PARP8: variants seen among roughly 807,000 people sequenced by gnomAD.
PARP8 encodes poly(ADP-ribose) polymerase family member 8.
In PARP8, 51 loss-of-function variants were observed where a neutral mutation model predicts 124.1. The observed-to-expected ratio is 0.41, with a 90% CI of 0.33 to 0.52. The LOEUF is 0.52. Among genes scored for constraint, PARP8 ranks in the 20% least tolerant of loss-of-function variants. The pLI is 0.21. For missense variants in PARP8, 860 were observed against 1,018.9 expected (o/e 0.84, Z 2.12); for synonymous variants, 391 against 361.5 (o/e 1.08, Z -0.93).
intron 6 of PARP8, 58 bp from the exon 7 acceptor site, chr5:50,763,090 C>A: frequency 7.2e-7 from 1 of 1,379,854 alleles, no homozygotes; most frequent in Non-Finnish European, 1.0e-6. Flanking sequence ...CAAAAGGTTG[C>A]TTAAGTTTTT....
intron 7 of PARP8, among the ~76,000 whole-genome samples, chr5:50,774,740 G>A (rs1277331643): frequency 5.8e-5 from 6 of 103,144 alleles, no homozygotes; most frequent in Non-Finnish European, 5.6e-5. Context: ...CCTCATTTCC[G>A]GGGCAGAGGC....
intron 2 of PARP8, chr5:50,669,344 A>G (rs1749735042): frequency 1.3e-5 from 2 of 152,226 alleles, no homozygotes; most frequent in African/African-American, 4.8e-5. Context: ...CTGGTCCTAC[A>G]CATTATATCT....
chr5:50,770,262 T>C (rs556851698), intron 7 of PARP8, among the ~76,000 whole-genome samples: 2 of 152,306 alleles, frequency 1.3e-5, no homozygotes, highest in East Asian at 3.9e-4. Flanking sequence ...TATTTGTTAT[T>C]ATTTTCTTAG....
chr5:50,741,027 G>T (rs911686315), intron 2 of PARP8, among the ~76,000 whole-genome samples: 12 of 152,034 alleles, frequency 7.9e-5, no homozygotes, highest in African/African-American at 2.9e-4. Flanking sequence ...TTCCGTCTTG[G>T]TATGCTGTGC....
At chr5:50,680,042 A>T (rs1751112079) in intron 2 of PARP8, among the ~76,000 whole-genome samples, 1 of 152,190 alleles carries the variant, frequency 6.6e-6, no homozygotes, top group African/African-American at 2.4e-5. Flanking sequence ...AGCCTGAATG[A>T]ACTGCCTCAC....
At chr5:50,761,930 C>G in intron 6 of PARP8, 32 bp downstream of exon 6, 1 of 1,391,054 alleles carries the variant, frequency 7.2e-7, no homozygotes. Context: ...AATACCTAGT[C>G]TTAAAGTTCT....
At chr5:50,813,656 TC>T (rs1439298593) in intron 14 of PARP8, among the ~76,000 whole-genome samples, 1 of 152,216 alleles carries the variant, frequency 6.6e-6, no homozygotes, top group Non-Finnish European at 1.5e-5. Context: ...AGAGAGGGCA[TC>T]CCTGTCTTGT....
At position 50,795,443 on chromosome 5, in the gene PARP8, T is replaced by C. The variant is rs776286013; in HGVS notation, c.1428+26T>C. On this transcript the variant is annotated intron_variant, in intron 12 of 25. Transcript: ENST00000281631. ...GTGCGTAAATATTTTCATCTTGAGT[T>C]CTTAAATGTTAGCTAAGGTGCAGTA... 3.3e-5 allele frequency: 51 copies of C among 1,536,750 alleles called. No individual in the cohort carries two copies. In the East Asian group the frequency reaches 1.2e-3, roughly 35 times the overall value.
intron 10 of PARP8, 76 bp downstream of exon 10, chr5:50,788,665 A>C (rs1741589580): frequency 2.4e-6 from 3 of 1,259,066 alleles, no homozygotes; most frequent in Non-Finnish European, 3.3e-6. Flanking sequence ...TAAAACAAAC[A>C]AACAAAAACC....
At chr5:50,792,868 A>G (rs1224944020) in intron 10 of PARP8, among the ~76,000 whole-genome samples, 1 of 152,156 alleles carries the variant, frequency 6.6e-6, no homozygotes, top group Non-Finnish European at 1.5e-5. Flanking sequence ...AAACTAGCAG[A>G]AAAAAGCCTA....
intron 2 of PARP8, among the ~76,000 whole-genome samples, chr5:50,729,474 C>G (rs1216807559): frequency 2.6e-5 from 4 of 152,062 alleles, no homozygotes; most frequent in Non-Finnish European, 5.9e-5. Context: ...AGTTCTGGAC[C>G]AAGTGCTGTG....
chr5:50,670,119 C>A (rs1749837137), intron 2 of PARP8, among the ~76,000 whole-genome samples: 1 of 152,104 alleles, frequency 6.6e-6, no homozygotes, highest in African/African-American at 2.4e-5. Flanking sequence ...CATTATAAAC[C>A]AATATTTATT....
intron 2 of PARP8, among the ~76,000 whole-genome samples, chr5:50,726,768 C>T (rs1388938310): frequency 1.3e-5 from 2 of 152,216 alleles, no homozygotes; most frequent in African/African-American, 4.8e-5. Context: ...GGTCTAGGGC[C>T]TGTCAACTGT....
intron 2 of PARP8, among the ~76,000 whole-genome samples, chr5:50,747,154 G>GTTTTT (rs370243477): frequency 5.7e-5 from 7 of 121,908 alleles, no homozygotes; most frequent in South Asian, 5.4e-4. Context: ...TTTTTTGTTT[G>GTTTTT]TTTGTTTTGT....
chr5:50,834,235 A>T (rs1424563281), intron 24 of PARP8, among the ~76,000 whole-genome samples, 187 bp downstream of exon 24: 1 of 152,210 alleles, frequency 6.6e-6, no homozygotes, highest in South Asian at 2.1e-4. Context: ...AAATTGCAGA[A>T]TTGGCAAGAA....
In PARP8 at chr5:50,755,773, A is replaced by G. The variant is rs1224946022; in HGVS notation, c.185-3870A>G. On this transcript the variant is annotated intron_variant, in intron 3 of 25. Transcript: ENST00000281631. ...TTCAATCTATAAATTACCTTGGGCA[A>G]TATGGCCATTTTCACGATATTGATT... Among the ~76,000 whole-genome samples, 6 of 152,164 alleles carry G rather than the reference A, an allele frequency of 3.9e-5. 1 individual carries two copies. Among genetic ancestry groups the G allele is most frequent in the Middle Eastern group, 6.8e-3 (2 of 294 alleles).
At chr5:50,826,357 A>G (rs968798900) in intron 18 of PARP8, among the ~76,000 whole-genome samples, 1 of 152,142 alleles carries the variant, frequency 6.6e-6, no homozygotes, top group African/African-American at 2.4e-5. Context: ...ATAAGAACTT[A>G]TCCTTAATTT....
intron 15 of PARP8, among the ~76,000 whole-genome samples, chr5:50,818,865 C>G (rs1276103278): frequency 6.6e-6 from 1 of 152,194 alleles, no homozygotes; most frequent in Non-Finnish European, 1.5e-5. Flanking sequence ...CATTCACACA[C>G]TCCAATTAGA....
chr5:50,670,590 G>A (rs1264879867), intron 2 of PARP8, among the ~76,000 whole-genome samples: 1 of 152,238 alleles, frequency 6.6e-6, no homozygotes, highest in Admixed American at 6.5e-5. Context: ...TTATTTGGTG[G>A]TCCTCAGAGT....
Sources: gnomAD v4.1 joint callset for allele counts (sites outside exome capture counted in the v4.1 genomes callset) on GRCh38, gnomAD v4.1.1 for gene constraint, MANE v1.5 for transcripts, NCBI Gene and HGNC (gene_info 2026-07-23, HGNC 2026-07-21) for gene names.